Variants in GNAT3 observed in about 807,000 individuals in gnomAD.
GNAT3 encodes the protein G protein subunit alpha transducin 3, also known as guanine nucleotide-binding protein G(t) subunit alpha-3.
Under a neutral mutation model 37.7 loss-of-function variants are expected in GNAT3, and 31 were observed. The observed-to-expected ratio is 0.82, with a 90% confidence interval of 0.62 to 1.11. The LOEUF is 1.11. Ranked by LOEUF, GNAT3 falls within the 50% of genes most tolerant of loss-of-function variation. GNAT3 has a pLI of 0.00. For missense variants in GNAT3, 437 were observed against 412.5 expected (o/e 1.06, Z -0.51); for synonymous variants, 138 against 139.8 (o/e 0.99, Z 0.09).
intron 1 of GNAT3, among the ~76,000 whole-genome samples, chr7:80,509,424 A>G (rs1454500484): frequency 6.6e-6 from 1 of 152,100 alleles, no homozygotes; most frequent in Admixed American, 6.6e-5. Flanking sequence ...TAGTGTTGGA[A>G]CCAAATAAAT....
At position 80,488,539 on chromosome 7, in the gene GNAT3, C is replaced by G. The variant is rs771137976; in HGVS notation, c.299G>C (p.Ser100Thr). 3 of 1,600,406 alleles carry G rather than the reference C, an allele frequency of 1.9e-6. No individual in the cohort carries two copies. The highest frequency in any genetic ancestry group is 2.6e-6 in the Non-Finnish European group (3 of 1,172,268). ...TLGIDYVNPR[S>T]AEDQRQLYAM... ...TGTCATTATTTGCATACTTACTGCA[C>G]TTCTGGGATTTACATAATCAATTCC... The change falls in exon 3 of 8, where the codon AGT becomes ACT. Residue 100 changes from serine to threonine, a missense_variant. By Grantham distance (58) the Ser-to-Thr change is moderately conservative (BLOSUM62 1). Transcript: ENST00000398291.
intron 1 of GNAT3, among the ~76,000 whole-genome samples, chr7:80,508,893 C>T (rs1350916655): frequency 2.0e-5 from 3 of 151,876 alleles, no homozygotes; most frequent in East Asian, 3.9e-4. Flanking sequence ...GATCAACATA[C>T]TGAAAAAAAA....
intron 3 of GNAT3, chr7:80,486,703 G>A (rs1045833960): frequency 4.8e-5 from 7 of 146,032 alleles, no homozygotes; most frequent in East Asian, 4.0e-4. Flanking sequence ...TGGAACTCCC[G>A]GGCTCAAGCG....
Position 80,462,258 on chromosome 7 carries a change from A to C in GNAT3, c.775T>G (p.Phe259Val). The C allele has an allele frequency of 1.2e-6, 2 of 1,612,814 alleles. No homozygotes were observed. The highest frequency in any genetic ancestry group is 1.7e-6 in the Non-Finnish European group (2 of 1,179,056). The part of the protein sequence containing the change: ...LFNSICNHKY[F>V]STTSIVLFLN... Reference sequence around the variant, plus strand: ...AACAGGACAATGGAGGTTGTTGAAAAATACTTGTGATTACAGATACTGTTG... The same window carrying C: ...AACAGGACAATGGAGGTTGTTGAAACATACTTGTGATTACAGATACTGTTG... Residue 259 changes from phenylalanine (F) to valine (V), a missense_variant, in exon 7 of 8, where the codon TTT becomes GTT. Physicochemically the swap from Phe to Val is conservative, Grantham distance 50. Coordinates refer to ENST00000398291, the MANE Select transcript of GNAT3 (RefSeq NM_001102386.3).
At position 80,458,864 on chromosome 7, in the gene GNAT3, T is replaced by C; in HGVS notation, c.875-3A>G. On this transcript the variant is annotated splice_region_variant and splice_polypyrimidine_tract_variant and intron_variant, in intron 7 of 7. Transcript: ENST00000398291. Reference sequence around the variant, plus strand: ...TGCATCTTCAAATGTATTTGGCCCTTGTTAAACAAAATATTTGAAGAAGTA... The same window carrying C: ...TGCATCTTCAAATGTATTTGGCCCTCGTTAAACAAAATATTTGAAGAAGTA... 1 of 1,546,434 alleles carries C rather than the reference T, an allele frequency of 6.5e-7. No homozygotes were observed.
chr7:80,462,660 A>G (rs1790070709), intron 5 of GNAT3, 29 bp from the exon 6 acceptor site: 1 of 1,590,586 alleles, frequency 6.3e-7, no homozygotes, highest in African/African-American at 1.3e-5. Flanking sequence ...TGAATAATAA[A>G]TCTTGCAAAT....
In GNAT3 at chr7:80,482,505, T is replaced by TTTTG. The variant is rs770082717; in HGVS notation, c.304-3511_304-3508dup. On this transcript the variant is annotated intron_variant, in intron 3 of 7. Transcript: ENST00000398291. Reference sequence around the variant, plus strand: ...TTTTCTTTCTTTTTCTTTTTTGTTTTTTTGTTTGTTTGTTTGTTTGTTTTT... The same window carrying TTTTG: ...TTTTCTTTCTTTTTCTTTTTTGTTTTTTTGTTTGTTTGTTTGTTTGTTTGTTTTT... 1.6e-4 allele frequency among the ~76,000 whole-genome samples: 24 copies of TTTTG among 151,974 alleles called. No individual in the cohort carries two copies. The East Asian group carries it at 2.9e-3, about 18-fold the overall frequency.
At chr7:80,466,391 T>C (rs1294988234) in intron 5 of GNAT3, among the ~76,000 whole-genome samples, 10 of 152,264 alleles carry the variant, frequency 6.6e-5, no homozygotes, top group African/African-American at 2.4e-4. Flanking sequence ...AATTAGATTA[T>C]ATATTGTTAG....
At chr7:80,505,417 A>G (rs1379729578) in intron 1 of GNAT3, among the ~76,000 whole-genome samples, 2 of 152,140 alleles carry the variant, frequency 1.3e-5, no homozygotes, top group Non-Finnish European at 2.9e-5. Flanking sequence ...CCCAGGCTGG[A>G]GTGCAGTGGC....
At chr7:80,500,900 C>G (rs1437414058) in intron 1 of GNAT3, among the ~76,000 whole-genome samples, 1 of 151,834 alleles carries the variant, frequency 6.6e-6, no homozygotes, top group Non-Finnish European at 1.5e-5. Context: ...TCCCCCCAAC[C>G]TTTTCTCTTT....
chr7:80,508,091 T>A (rs940067478), intron 1 of GNAT3, among the ~76,000 whole-genome samples: 15 of 152,002 alleles, frequency 9.9e-5, no homozygotes, highest in African/African-American at 3.6e-4. Context: ...ACATCTATGA[T>A]GAACTTCCCA....
chr7:80,478,876 C>T lies in GNAT3; in HGVS notation c.426G>A (p.Arg142=). ...RDPGIQACFE[R]ASEYQLNDSA... The stretch of plus-strand genomic sequence containing the variant: ...AGTCATTGAGCTGATATTCAGATGC[C>T]CTTTCAAAGCAGGCCTGAATTCCTG... The change falls in exon 4 of 8, where the codon AGG becomes AGA. Residue 142 remains arginine (R), a synonymous_variant. Coordinates refer to ENST00000398291, the MANE Select transcript of GNAT3 (RefSeq NM_001102386.3). 4 of 1,613,198 alleles carry T rather than the reference C, an allele frequency of 2.5e-6. No individual in the cohort carries two copies. The highest frequency in any genetic ancestry group is 2.5e-6 in the Non-Finnish European group (3 of 1,179,446).
intron 1 of GNAT3, among the ~76,000 whole-genome samples, chr7:80,494,921 T>G (rs1397604913): frequency 6.6e-6 from 1 of 152,156 alleles, no homozygotes; most frequent in Non-Finnish European, 1.5e-5. Flanking sequence ...GTGTCTATTA[T>G]TCTACTCTTT....
At chr7:80,491,067 A>G (rs1056906951) in intron 2 of GNAT3, among the ~76,000 whole-genome samples, 2 of 152,140 alleles carry the variant, frequency 1.3e-5, no homozygotes, top group Non-Finnish European at 2.9e-5. Flanking sequence ...GGATCAGTTC[A>G]TGGCAGTGTG....
chr7:80,467,790 T>C (rs1790149987), intron 5 of GNAT3, among the ~76,000 whole-genome samples: 1 of 152,026 alleles, frequency 6.6e-6, no homozygotes, highest in Admixed American at 6.6e-5. Flanking sequence ...TTTGGATTGG[T>C]CAAATATAAT....
chr7:80,469,594 A>G (rs1562720998), intron 5 of GNAT3, among the ~76,000 whole-genome samples: 1 of 152,280 alleles, frequency 6.6e-6, no homozygotes, highest in East Asian at 1.9e-4. Context: ...TGGCAGAGAT[A>G]ATTTTTCATT....
chr7:80,508,139 T>C (rs2116235081), intron 1 of GNAT3, among the ~76,000 whole-genome samples: 1 of 151,894 alleles, frequency 6.6e-6, no homozygotes, highest in Admixed American at 6.6e-5. Flanking sequence ...AGTGAAAAAT[T>C]GTAGAATAAA....
At chr7:80,504,472 C>T (rs146162579) in intron 1 of GNAT3, among the ~76,000 whole-genome samples, 24 of 152,176 alleles carry the variant, frequency 1.6e-4, no homozygotes, top group African/African-American at 5.1e-4. Context: ...AAGCAGTGAG[C>T]ATAGCATCCT....
intron 1 of GNAT3, among the ~76,000 whole-genome samples, chr7:80,497,708 G>A (rs1790760436): frequency 6.6e-6 from 1 of 151,150 alleles, no homozygotes; most frequent in African/African-American, 2.4e-5. Context: ...AAATTACAGA[G>A]CAGTGGGGAT....
Sources: allele counts gnomAD v4.1 joint callset (sites outside exome capture counted in the v4.1 genomes callset), GRCh38; gene constraint gnomAD v4.1.1; transcripts MANE v1.5; gene names NCBI Gene and HGNC (gene_info 2026-07-23, HGNC 2026-07-21).